KIFAP3: variants seen among roughly 807,000 people sequenced by gnomAD.
KIFAP3 encodes the protein kinesin associated protein 3.
KIFAP3 carries 68 observed loss-of-function variants against 106.5 expected under a neutral mutation model. The ratio of observed to expected loss-of-function variants is 0.64; its 90% CI spans 0.53 to 0.78. The LOEUF (loss-of-function observed/expected upper bound fraction) is 0.78. Among genes scored for constraint, KIFAP3 ranks in the 30% least tolerant of loss-of-function variants. The pLI is 0.00. For synonymous variants in KIFAP3, 320 were observed against 311.5 expected, an observed-to-expected ratio of 1.03 and a Z score of -0.29; for missense variants, 780 against 941.8, an observed-to-expected ratio of 0.83 and a Z score of 2.25.
intron 19 of KIFAP3, among the ~76,000 whole-genome samples, chr1:169,926,089 C>A (rs1231490210): frequency 6.6e-6 from 1 of 152,178 alleles, no homozygotes; most frequent in Non-Finnish European, 1.5e-5. Context: ...TTATTCACAA[C>A]ATCCTTGACA....
At chr1:169,936,299 C>T (rs1663795763) in intron 19 of KIFAP3, among the ~76,000 whole-genome samples, 2 of 151,692 alleles carry the variant, frequency 1.3e-5, no homozygotes, top group African/African-American at 4.8e-5. Context: ...AGAAAATCAA[C>T]ATTTATATAA....
chr1:170,059,926 T>C (rs1201048589), intron 1 of KIFAP3, among the ~76,000 whole-genome samples: 1 of 152,172 alleles, frequency 6.6e-6, no homozygotes, highest in Non-Finnish European at 1.5e-5. Context: ...CACATGATTA[T>C]CTCAACAGAT....
At chr1:170,076,413 A>G (rs928956907), upstream of KIFAP3, among the ~76,000 whole-genome samples, 1 of 152,216 alleles carries the variant, frequency 6.6e-6, no homozygotes, top group Non-Finnish European at 1.5e-5. Context: ...GACTAAGAAG[A>G]TAAGATTATG....
intron 10 of KIFAP3, among the ~76,000 whole-genome samples, chr1:170,004,353 C>T (rs1032942344): frequency 1.3e-5 from 2 of 152,146 alleles, no homozygotes; most frequent in Admixed American, 1.3e-4. Context: ...TTGGAAAAAA[C>T]TACTTTAAAG....
intron 19 of KIFAP3, among the ~76,000 whole-genome samples, chr1:169,928,014 A>C (rs1448261225): frequency 6.6e-6 from 1 of 152,196 alleles, no homozygotes; most frequent in Non-Finnish European, 1.5e-5. Flanking sequence ...CAGCTGTCCA[A>C]ATGTGAAGTA....
intron 10 of KIFAP3, among the ~76,000 whole-genome samples, chr1:170,010,494 G>A (rs573797896): frequency 6.6e-6 from 1 of 151,930 alleles, no homozygotes; most frequent in East Asian, 1.9e-4. Context: ...CATGGAAAAA[G>A]GGCTGAGCTA....
At chr1:170,039,961 T>A (rs765973429) in intron 3 of KIFAP3, among the ~76,000 whole-genome samples, 1 of 152,148 alleles carries the variant, frequency 6.6e-6, no homozygotes, top group Non-Finnish European at 1.5e-5. Flanking sequence ...CTATCAAATA[T>A]ACTTTATGGA....
chr1:170,074,715 C>CATGCGCTTGCTCTGCACCTCTTGT, upstream of KIFAP3: 1 of 1,387,648 alleles, frequency 7.2e-7, no homozygotes, highest in Non-Finnish European at 9.4e-7. Flanking sequence ...CGTCACGACG[C>CATGCGCTTGCTCTGCACCTCTTGT]ATGCGCTTGC....
Position 170,074,692 on chromosome 1 carries a change from G to A in KIFAP3, c.-225C>T, listed in dbSNP as rs1055661060. 2.8e-6 allele frequency: 4 copies of A among 1,408,750 alleles called. No homozygotes were observed. The African/African-American group carries it at 4.3e-5, about 15-fold the overall frequency. 87.3% of individuals were successfully genotyped at this position (1,408,750 alleles called of 1,614,324 possible). ...GAGCGGCCCAGACCCGCCCAGAGTC[G>A]CCTAAGCCGGGCCGTCACGACGCAT... On this transcript the variant is annotated 5_prime_UTR_variant, in exon 1 of 20. Coordinates refer to ENST00000361580, the MANE Select transcript of KIFAP3 (RefSeq NM_014970.4).
At chr1:169,943,792 T>A (rs1664268911) in intron 19 of KIFAP3, among the ~76,000 whole-genome samples, 1 of 152,178 alleles carries the variant, frequency 6.6e-6, no homozygotes, top group African/African-American at 2.4e-5. Context: ...ATATGACGTT[T>A]AACACTAGAT....
intron 11 of KIFAP3, among the ~76,000 whole-genome samples, chr1:169,988,160 A>C (rs916696801): frequency 5.3e-5 from 8 of 151,996 alleles, no homozygotes; most frequent in Admixed American, 4.6e-4. Flanking sequence ...ATAATCACCC[A>C]CTCCGGATGC....
At chr1:169,993,349 A>C (rs1357745134) in intron 10 of KIFAP3, among the ~76,000 whole-genome samples, 2 of 150,968 alleles carry the variant, frequency 1.3e-5, no homozygotes, top group African/African-American at 4.9e-5. Context: ...TGACCTCATG[A>C]TCTGCCCACC....
At chr1:170,019,505 A>G (rs903229414) in intron 9 of KIFAP3, among the ~76,000 whole-genome samples, 1 of 152,178 alleles carries the variant, frequency 6.6e-6, no homozygotes, top group Non-Finnish European at 1.5e-5. Context: ...CCTCAATACA[A>G]GACTGGTAAA....
At chr1:170,077,425 A>G (rs912128879), upstream of KIFAP3, among the ~76,000 whole-genome samples, 8 of 152,358 alleles carry the variant, frequency 5.3e-5, 1 homozygote, top group East Asian at 1.5e-3. Flanking sequence ...ATACATTTGA[A>G]ATATTCACAC....
chr1:169,992,211 T>C lies in KIFAP3; in HGVS notation c.1228A>G (p.Ile410Val). 3 of 1,587,712 alleles carry C rather than the reference T, an allele frequency of 1.9e-6. No individual in the cohort carries two copies. The highest frequency in any genetic ancestry group is 2.6e-6 in the Non-Finnish European group (3 of 1,168,126). Residue 410 changes from isoleucine to valine, a missense_variant, in exon 11 of 20, where the codon ATA (isoleucine) becomes GTA (valine). By Grantham distance (29) the Ile-to-Val change is conservative. Transcript: ENST00000361580. Reference sequence around the variant, plus strand: ...GATTTAAAGCGGTCATCCATGCTTATGTGGTAAAGAACACACATTGCTATT... The same window carrying C: ...GATTTAAAGCGGTCATCCATGCTTACGTGGTAAAGAACACACATTGCTATT... ...KQIAMCVLYH[I>V]SMDDRFKSMF...
At chr1:170,038,943 CGT>C (rs1669827002) in intron 4 of KIFAP3, among the ~76,000 whole-genome samples, 1 of 152,032 alleles carries the variant, frequency 6.6e-6, no homozygotes, top group Non-Finnish European at 1.5e-5. Flanking sequence ...ATTAGCTGGG[CGT>C]GGTGGCACAT....
At chr1:170,058,086 C>G (rs1418304017) in intron 1 of KIFAP3, among the ~76,000 whole-genome samples, 1 of 152,070 alleles carries the variant, frequency 6.6e-6, no homozygotes, top group Non-Finnish European at 1.5e-5. Context: ...TTATTAACTT[C>G]TGAAGTACAT....
chr1:169,997,246 A>T (rs1000403570), intron 10 of KIFAP3, among the ~76,000 whole-genome samples: 1 of 152,188 alleles, frequency 6.6e-6, no homozygotes, highest in Non-Finnish European at 1.5e-5. Flanking sequence ...CCTACCTGAA[A>T]AGGTTGTTGT....
chr1:169,998,429 C>CAT (rs1667494389), intron 10 of KIFAP3, among the ~76,000 whole-genome samples: 1 of 151,122 alleles, frequency 6.6e-6, no homozygotes. Context: ...CACACACACA[C>CAT]ACACACACCA....
Sources: allele counts gnomAD v4.1 joint callset (sites outside exome capture counted in the v4.1 genomes callset), GRCh38; gene constraint gnomAD v4.1.1; transcripts MANE v1.5; gene names NCBI Gene and HGNC (gene_info 2026-07-23, HGNC 2026-07-21).